Variants in KALRN observed in about 807,000 individuals in gnomAD.
KALRN encodes kalirin RhoGEF kinase.
Under a neutral mutation model 353.7 loss-of-function variants are expected in KALRN, and 70 were observed. That is an observed-to-expected ratio of 0.20 (90% CI 0.16 to 0.24). KALRN has a LOEUF of 0.24. Ranked by LOEUF, KALRN falls within the 10% of genes least tolerant of loss-of-function variation. The pLI, the probability that KALRN is intolerant of heterozygous loss-of-function variation, is 1.00. For missense variants in KALRN, 2,791 were observed against 3,756.7 expected (o/e 0.74, Z 6.72); for synonymous variants, 1,391 against 1,434.8 (o/e 0.97, Z 0.69).
chr3:124,532,533 T>C (rs1351736495), intron 33 of KALRN, among the ~76,000 whole-genome samples: 3 of 152,152 alleles, frequency 2.0e-5, no homozygotes, highest in Admixed American at 1.3e-4. Flanking sequence ...AGGCTGGGCA[T>C]GGTGGCTCAT....
At chr3:124,368,624 G>A (rs1390639555) in intron 10 of KALRN, among the ~76,000 whole-genome samples, 1 of 148,386 alleles carries the variant, frequency 6.7e-6, no homozygotes, top group Non-Finnish European at 1.5e-5. Context: ...ACGATGGGCG[G>A]CCAGGCAGAG....
At chr3:124,292,995 T>C (rs186026072) in intron 5 of KALRN, among the ~76,000 whole-genome samples, 5 of 152,308 alleles carry the variant, frequency 3.3e-5, no homozygotes, top group African/African-American at 1.2e-4. Flanking sequence ...TCTGTACTGA[T>C]TTGAATTCTG....
chr3:124,437,019 G>A lies in KALRN; in HGVS notation c.3049-1869G>A, dbSNP rs571901327. On this transcript the variant is annotated intron_variant, in intron 17 of 59. Coordinates refer to ENST00000682506, the MANE Select transcript of KALRN (RefSeq NM_001388419.1). The stretch of plus-strand genomic sequence containing the variant: ...GATCTTCTCATGTGATGCTAGAGAT[G>A]GGACTGGAGAAGTCACCTCAAGTTT... Among the ~76,000 whole-genome samples the A allele has an allele frequency of 5.3e-5, 8 of 150,496 alleles. No homozygotes were observed. The East Asian group carries it at 1.6e-3, about 30-fold the overall frequency.
chr3:124,244,850 T>C (rs532502728), intron 3 of KALRN, among the ~76,000 whole-genome samples: 51 of 152,232 alleles, frequency 3.4e-4, no homozygotes, highest in South Asian at 2.1e-3. Context: ...TATATAATTT[T>C]TTTTTGCTTT....
chr3:124,425,685 T>C (rs2092981216), intron 15 of KALRN, among the ~76,000 whole-genome samples: 1 of 152,242 alleles, frequency 6.6e-6, no homozygotes, highest in Admixed American at 6.5e-5. Flanking sequence ...CTTTTGTTCC[T>C]GGGTTTTAAT....
At chr3:124,107,271 C>T (rs1005640762) in intron 1 of KALRN, among the ~76,000 whole-genome samples, 11 of 152,144 alleles carry the variant, frequency 7.2e-5, no homozygotes, top group African/African-American at 2.7e-4. Flanking sequence ...ATGGCTTACT[C>T]ATCAGTGTTT....
At chr3:124,163,678 A>G in intron 1 of KALRN, 1 of 985,022 alleles carries the variant, frequency 1.0e-6, no homozygotes, top group Non-Finnish European at 1.2e-6. Flanking sequence ...ATGTATAAAT[A>G]TTACAACAGG....
At chr3:124,096,051 G>A (rs1467236436) in intron 1 of KALRN, 2 of 152,096 alleles carry the variant, frequency 1.3e-5, no homozygotes, top group Non-Finnish European at 2.9e-5. Context: ...CCGAGAAACA[G>A]GCCAGTGGGA....
At position 124,720,895 on chromosome 3, in the gene KALRN, T is replaced by C. The variant is rs2063343028; in HGVS notation, c.*1425T>C. On this transcript the variant is annotated 3_prime_UTR_variant, in exon 60 of 60. Transcript: ENST00000682506. Reference sequence around the variant, plus strand: ...TGTTTGTACATGATCCACCCTTAGTTTTCTAGAATGTGTGTTGAAAATTGC... The same window carrying C: ...TGTTTGTACATGATCCACCCTTAGTCTTCTAGAATGTGTGTTGAAAATTGC... 6.6e-6 allele frequency: 1 copy of C among 152,214 alleles called. No individual in the cohort carries two copies. The highest frequency in any genetic ancestry group is 1.5e-5 in the Non-Finnish European group (1 of 68,032). The allele number at this position is 152,214 out of a possible 1,614,324, so 9.4% of individuals were successfully genotyped here.
At chr3:124,040,829 A>G (rs2039888844) in intron 1 of KALRN, among the ~76,000 whole-genome samples, 1 of 152,150 alleles carries the variant, frequency 6.6e-6, no homozygotes, top group Non-Finnish European at 1.5e-5. Context: ...TTTAATTATT[A>G]ATTGAATGTG....
At chr3:124,216,531 C>T (rs2077350774) in intron 1 of KALRN, among the ~76,000 whole-genome samples, 1 of 152,202 alleles carries the variant, frequency 6.6e-6, no homozygotes, top group East Asian at 1.9e-4. Flanking sequence ...TCCCCCATCA[C>T]ATACATTTTG....
intron 56 of KALRN, among the ~76,000 whole-genome samples, chr3:124,701,383 TCTTTC>T (rs2062324540): frequency 7.1e-6 from 1 of 140,398 alleles, no homozygotes; most frequent in Admixed American, 7.1e-5. Context: ...TTTCTTTCTT[TCTTTC>T]TTTTTTTTTT....
At chr3:124,496,711 C>T (rs531205805) in intron 33 of KALRN, among the ~76,000 whole-genome samples, 2 of 152,266 alleles carry the variant, frequency 1.3e-5, no homozygotes, top group African/African-American at 2.4e-5. Context: ...TTCTGAGATG[C>T]CCCACCTGGG....
At position 124,657,738 on chromosome 3, in the gene KALRN, T is replaced by A. The variant is rs779211349; in HGVS notation, c.5971T>A (p.Phe1991Ile). 6.2e-6 allele frequency: 10 copies of A among 1,612,918 alleles called. No homozygotes were observed. Among genetic ancestry groups the A allele is most frequent in the Non-Finnish European group, 8.5e-6 (10 of 1,178,888 alleles). ...HQIYDWHKDF[F>I]LAELEKCIQE... ...TTATCCCCTTTCTCCTTTTAGTTTT[T>A]TCCTGGCGGAACTGGAAAAGTGTAT... The change falls in exon 41 of 60, where the codon TTC becomes ATC. Residue 1991 changes from phenylalanine (F) to isoleucine (I), a missense_variant. Physicochemically the swap from Phe to Ile is conservative, Grantham distance 21. This residue lies in a region of KALRN where 1,065 missense variants were observed against 1,156.4 expected (regional missense o/e 0.92). Coordinates refer to ENST00000682506, the MANE Select transcript of KALRN (RefSeq NM_001388419.1).
chr3:124,652,987 C>T (rs552256817), intron 38 of KALRN, among the ~76,000 whole-genome samples: 7 of 152,346 alleles, frequency 4.6e-5, no homozygotes, highest in African/African-American at 1.4e-4. Context: ...GCCCACTTTA[C>T]GCATCTCTTC....
At chr3:124,315,585 C>T (rs1032071773) in intron 6 of KALRN, among the ~76,000 whole-genome samples, 3 of 151,922 alleles carry the variant, frequency 2.0e-5, no homozygotes, top group African/African-American at 7.3e-5. Flanking sequence ...CTCTCAGGTC[C>T]TTTGTCAGCA....
At chr3:124,686,282 G>T (rs141211697) in intron 51 of KALRN, among the ~76,000 whole-genome samples, 31 of 152,292 alleles carry the variant, frequency 2.0e-4, no homozygotes, top group African/African-American at 7.5e-4. Context: ...CTGTGTAACT[G>T]GCTCTGTGCT....
intron 51 of KALRN, among the ~76,000 whole-genome samples, chr3:124,688,982 T>C (rs61154020): frequency 0.033 from 5,066 of 152,282 alleles, 109 homozygotes; most frequent in East Asian, 0.082. Context: ...CACATTGTGG[T>C]GGTTCTTGTT....
At chr3:124,532,816 G>GA (rs1577772802) in intron 33 of KALRN, among the ~76,000 whole-genome samples, 1 of 150,964 alleles carries the variant, frequency 6.6e-6, no homozygotes, top group East Asian at 1.9e-4. Flanking sequence ...CAAAACAAAA[G>GA]AAAAAAACTG....
Sources: allele counts gnomAD v4.1 joint callset (sites outside exome capture counted in the v4.1 genomes callset), GRCh38; gene constraint gnomAD v4.1.1; regional missense constraint gnomAD v4.1.1; transcripts MANE v1.5; gene names NCBI Gene and HGNC (gene_info 2026-07-23, HGNC 2026-07-21).